PCOLCE2: variants seen among roughly 807,000 people sequenced by gnomAD.
PCOLCE2 encodes the protein procollagen C-proteinase enhancer 2.
In PCOLCE2, 42 loss-of-function variants were observed where a neutral mutation model predicts 47.0. That is an observed-to-expected ratio of 0.89 (90% CI 0.70 to 1.16). The LOEUF (loss-of-function observed/expected upper bound fraction) is 1.16, where lower values mean the gene tolerates loss of function less well. Among genes scored for constraint, PCOLCE2 ranks in the 50% most tolerant of loss-of-function variants. The probability of loss-of-function intolerance (pLI) is 0.00; values close to 1 mark genes in which losing one functional copy is unlikely to be tolerated. For missense variants in PCOLCE2, 500 were observed against 526.1 expected (o/e 0.95, Z 0.49); for synonymous variants, 169 against 191.7 (o/e 0.88, Z 0.98).
At chr3:142,887,610 A>G in intron 2 of PCOLCE2, 59 bp downstream of exon 2, 1 of 825,958 alleles carries the variant, frequency 1.2e-6, no homozygotes, top group Non-Finnish European at 2.1e-6. Context: ...AAAAGGCAGC[A>G]GCCTCACACT....
intron 2 of PCOLCE2, among the ~76,000 whole-genome samples, chr3:142,880,738 C>T (rs756252444): frequency 6.6e-6 from 1 of 152,170 alleles, no homozygotes; most frequent in Admixed American, 6.5e-5. Flanking sequence ...GCCCTCAAGG[C>T]AATGTTACAG....
Position 142,829,121 on chromosome 3 carries a change from G to A in PCOLCE2, c.865+571C>T, listed in dbSNP as rs573612358. On this transcript the variant is annotated intron_variant, in intron 6 of 8. Coordinates refer to ENST00000295992, the MANE Select transcript of PCOLCE2 (RefSeq NM_013363.4). ...TGATAGGCCAGGTACTACCTACAGA[G>A]ACCCTGCCTCTCCACTCCCTACATA... Among the ~76,000 whole-genome samples the A allele has an allele frequency of 9.5e-4, 144 of 152,120 alleles. 2 individuals carry two copies. Among genetic ancestry groups the A allele is most frequent in the African/African-American group, 3.3e-3 (136 of 41,482 alleles).
intron 2 of PCOLCE2, among the ~76,000 whole-genome samples, chr3:142,872,781 A>T: frequency 6.6e-6 from 1 of 152,204 alleles, no homozygotes; most frequent in South Asian, 2.1e-4. Flanking sequence ...GACTGAATAC[A>T]TATCTTGGGC....
intron 2 of PCOLCE2, among the ~76,000 whole-genome samples, chr3:142,852,647 ATGTG>A (rs35154183): frequency 0.02 from 2,823 of 144,748 alleles, 89 homozygotes; most frequent in African/African-American, 0.066. Context: ...GCTGATCAAA[ATGTG>A]TGTGTGTGTG....
chr3:142,849,350 A>C (rs1937365580), intron 2 of PCOLCE2, among the ~76,000 whole-genome samples: 1 of 152,202 alleles, frequency 6.6e-6, no homozygotes, highest in African/African-American at 2.4e-5. Context: ...TTGCTGAATC[A>C]TCTCTTCTGA....
intron 2 of PCOLCE2, among the ~76,000 whole-genome samples, chr3:142,862,180 G>A (rs979282213): frequency 6.6e-6 from 1 of 152,130 alleles, no homozygotes; most frequent in Non-Finnish European, 1.5e-5. Flanking sequence ...GTGGAGGAGG[G>A]AACCTGTAGG....
chr3:142,821,590 T>A (rs1003414160), intron 7 of PCOLCE2, among the ~76,000 whole-genome samples: 2 of 152,122 alleles, frequency 1.3e-5, no homozygotes, highest in Non-Finnish European at 2.9e-5. Flanking sequence ...TGTCTAATTA[T>A]CAGGAAAGCT....
At chr3:142,851,017 A>G (rs1932928248) in intron 2 of PCOLCE2, among the ~76,000 whole-genome samples, 1 of 152,228 alleles carries the variant, frequency 6.6e-6, no homozygotes, top group South Asian at 2.1e-4. Context: ...TAGTAGGAGC[A>G]GGGACAGTTT....
chr3:142,877,525 T>C (rs903293862), intron 2 of PCOLCE2, among the ~76,000 whole-genome samples: 5 of 152,228 alleles, frequency 3.3e-5, no homozygotes, highest in Non-Finnish European at 5.9e-5. Context: ...AGTGCCTGCT[T>C]GTGCCAAGCA....
At chr3:142,852,476 T>G (rs1255742098) in intron 2 of PCOLCE2, among the ~76,000 whole-genome samples, 8 of 151,938 alleles carry the variant, frequency 5.3e-5, no homozygotes, top group African/African-American at 1.4e-4. Context: ...GAAATTGACT[T>G]TTGTTAACAT....
intron 2 of PCOLCE2, among the ~76,000 whole-genome samples, chr3:142,874,362 C>A (rs1258335404): frequency 6.6e-6 from 1 of 152,228 alleles, no homozygotes; most frequent in Non-Finnish European, 1.5e-5. Flanking sequence ...GCGTGAGCCA[C>A]CGCACCTGGC....
chr3:142,865,152 CTG>C (rs1034172734), intron 2 of PCOLCE2, among the ~76,000 whole-genome samples: 1 of 151,034 alleles, frequency 6.6e-6, no homozygotes, highest in Non-Finnish European at 1.5e-5. Context: ...TTGCTATTCT[CTG>C]TGTTTTTTTT....
intron 1 of PCOLCE2, 160 bp downstream of exon 1, chr3:142,888,654 C>T (rs758407228): frequency 1.8e-5 from 8 of 451,548 alleles, no homozygotes; most frequent in Admixed American, 8.8e-5. Flanking sequence ...CCGGGCTTAG[C>T]CTACCCGAGG....
At chr3:142,870,009 T>A (rs191542488) in intron 2 of PCOLCE2, among the ~76,000 whole-genome samples, 18 of 152,356 alleles carry the variant, frequency 1.2e-4, no homozygotes, top group Admixed American at 3.9e-4. Context: ...TTTAAAAAAT[T>A]AAAATTTACC....
intron 2 of PCOLCE2, among the ~76,000 whole-genome samples, chr3:142,858,612 GT>G (rs1933116915): frequency 6.6e-6 from 1 of 152,164 alleles, no homozygotes; most frequent in Admixed American, 6.5e-5. Context: ...CCTGGGGTAA[GT>G]GGGGGGGTCC....
In PCOLCE2 at chr3:142,818,070, C is replaced by T; in HGVS notation, c.*265G>A. 1 of 326,768 alleles carries T rather than the reference C, an allele frequency of 3.1e-6. No homozygotes were observed. Among genetic ancestry groups the T allele is most frequent in the Non-Finnish European group, 5.7e-6 (1 of 176,112 alleles). The allele number at this position is 326,768 out of a possible 1,614,324, so 20.2% of individuals were successfully genotyped here. On this transcript the variant is annotated 3_prime_UTR_variant, in exon 9 of 9. Coordinates refer to ENST00000295992, the MANE Select transcript of PCOLCE2 (RefSeq NM_013363.4). ...GTATAAATAAACGCTTCCAAGCTGT[C>T]AACGCTTGACACTTTTAGCTTCCTA... is the stretch of plus-strand genomic sequence containing the variant.
At chr3:142,850,206 A>G (rs75201742) in intron 2 of PCOLCE2, among the ~76,000 whole-genome samples, 1 of 152,370 alleles carries the variant, frequency 6.6e-6, no homozygotes, top group East Asian at 1.9e-4. Context: ...TATTTGTACA[A>G]TAATCAGAAA....
intron 2 of PCOLCE2, among the ~76,000 whole-genome samples, chr3:142,858,723 GTGTGTGTGTGTA>G (rs1163534030): frequency 1.8e-5 from 2 of 112,998 alleles, no homozygotes; most frequent in Non-Finnish European, 4.2e-5. Context: ...ACAGGATTTT[GTGTGTGTGTGTA>G]TGTGTGTGTG....
chr3:142,869,249 C>T (rs1933338602), intron 2 of PCOLCE2, among the ~76,000 whole-genome samples: 1 of 151,760 alleles, frequency 6.6e-6, no homozygotes, highest in African/African-American at 2.4e-5. Flanking sequence ...CGAGATCGCG[C>T]CACTACGCTC....
Sources: gnomAD v4.1 joint callset for allele counts (sites outside exome capture counted in the v4.1 genomes callset) on GRCh38, gnomAD v4.1.1 for gene constraint, MANE v1.5 for transcripts, NCBI Gene and HGNC (gene_info 2026-07-23, HGNC 2026-07-21) for gene names.